Variants in SPMIP2 observed in about 807,000 individuals in gnomAD.
SPMIP2 encodes sperm microtubule inner protein 2, also known as protein SPMIP2.
At chr4:159,005,978 T>C in the SPMIP2 span, among the ~76,000 whole-genome samples, 5 of 152,242 alleles carry the variant, frequency 3.3e-5, no homozygotes, top group Non-Finnish European at 5.9e-5. Flanking sequence ...TTGGCCAGGC[T>C]GGTCTTGAAC....
chr4:158,972,985 A>G, the SPMIP2 span: 10 of 834,064 alleles, frequency 1.2e-5, no homozygotes, highest in South Asian at 1.5e-4. Flanking sequence ...TCAATGAGAA[A>G]TCAAGCACCC....
chr4:158,910,804 G>A, the SPMIP2 span, among the ~76,000 whole-genome samples: 7 of 152,134 alleles, frequency 4.6e-5, no homozygotes. Flanking sequence ...ACCCTGCTGC[G>A]TTTGGATTTA....
At chr4:159,037,825 C>CATAT in the SPMIP2 span, among the ~76,000 whole-genome samples, 20 of 102,252 alleles carry the variant, frequency 2.0e-4, no homozygotes, top group East Asian at 8.4e-4. Flanking sequence ...CACACACACA[C>CATAT]ACATATATAT....
chr4:158,995,136 T>C, the SPMIP2 span, among the ~76,000 whole-genome samples: 1 of 152,230 alleles, frequency 6.6e-6, no homozygotes, highest in Non-Finnish European at 1.5e-5. Context: ...CAGACTGATC[T>C]TGAATTCCTG....
chr4:158,965,595 C>T, the SPMIP2 span, among the ~76,000 whole-genome samples: 1 of 150,966 alleles, frequency 6.6e-6, no homozygotes, highest in Non-Finnish European at 1.5e-5. Flanking sequence ...ACAACTATGG[C>T]TTGTAAAACA....
the SPMIP2 span, chr4:158,973,434 T>C: frequency 1.9e-6 from 1 of 531,662 alleles, no homozygotes; most frequent in Non-Finnish European, 3.2e-6. Flanking sequence ...CTAGGTTCTA[T>C]TATAAGCCTT....
the SPMIP2 span, among the ~76,000 whole-genome samples, chr4:158,997,521 C>T: frequency 1.3e-5 from 2 of 152,094 alleles, no homozygotes; most frequent in Admixed American, 6.6e-5. Flanking sequence ...CCGGACCCAG[C>T]CAAGGATATG....
the SPMIP2 span, among the ~76,000 whole-genome samples, chr4:158,981,290 T>A: frequency 2.6e-5 from 4 of 152,154 alleles, no homozygotes; most frequent in Non-Finnish European, 4.4e-5. Flanking sequence ...CTTCAGGATA[T>A]TACCCAAACG....
At chr4:159,079,889 TA>T in the SPMIP2 span, among the ~76,000 whole-genome samples, 1 of 152,300 alleles carries the variant, frequency 6.6e-6, no homozygotes, top group Non-Finnish European at 1.5e-5. Context: ...GAAAAAAAAG[TA>T]AAAATAGTAA....
At chr4:158,915,572 C>A in the SPMIP2 span, among the ~76,000 whole-genome samples, 2 of 152,194 alleles carry the variant, frequency 1.3e-5, no homozygotes, top group African/African-American at 2.4e-5. Context: ...GAACCACCCC[C>A]AAGATGGACA....
At chr4:158,996,178 A>C in the SPMIP2 span, among the ~76,000 whole-genome samples, 2 of 152,230 alleles carry the variant, frequency 1.3e-5, no homozygotes, top group Non-Finnish European at 2.9e-5. Context: ...AAAAATATAA[A>C]ATTCTGTAGT....
the SPMIP2 span, among the ~76,000 whole-genome samples, chr4:159,024,548 C>T: frequency 6.6e-6 from 1 of 151,892 alleles, no homozygotes; most frequent in Non-Finnish European, 1.5e-5. Flanking sequence ...GGGAAACGGA[C>T]TCAAGGGAAA....
chr4:159,050,099 G>C, the SPMIP2 span, among the ~76,000 whole-genome samples: 1 of 152,178 alleles, frequency 6.6e-6, no homozygotes, highest in African/African-American at 2.4e-5. Context: ...GACCCTGCAG[G>C]GGAAGCCATG....
At chr4:158,961,021 G>A in the SPMIP2 span, among the ~76,000 whole-genome samples, 20 of 152,008 alleles carry the variant, frequency 1.3e-4, no homozygotes, top group Admixed American at 6.6e-4. Context: ...GAATAAAAGT[G>A]TCAAATTTAT....
the SPMIP2 span, among the ~76,000 whole-genome samples, chr4:158,995,632 G>T: frequency 6.6e-6 from 1 of 152,068 alleles, no homozygotes; most frequent in Non-Finnish European, 1.5e-5. Flanking sequence ...GCCGAGGCAG[G>T]TGGATCACAA....
the SPMIP2 span, among the ~76,000 whole-genome samples, chr4:159,034,360 T>C: frequency 1.1e-4 from 17 of 152,364 alleles, no homozygotes; most frequent in Non-Finnish European, 2.2e-4. Context: ...ATGTCAAGTT[T>C]ATAATGTTAT....
chr4:158,895,414 A>G, the SPMIP2 span, among the ~76,000 whole-genome samples: 16 of 152,342 alleles, frequency 1.1e-4, no homozygotes, highest in Middle Eastern at 3.4e-3. Flanking sequence ...TTATATCAAG[A>G]AGTTCTTAAT....
At chr4:158,987,273 C>A in the SPMIP2 span, among the ~76,000 whole-genome samples, 1 of 151,934 alleles carries the variant, frequency 6.6e-6, no homozygotes, top group Non-Finnish European at 1.5e-5. Flanking sequence ...CCAGCCATCC[C>A]ATTACTGGGT....
the SPMIP2 span, among the ~76,000 whole-genome samples, chr4:158,913,370 G>A: frequency 6.6e-6 from 1 of 152,008 alleles, no homozygotes; most frequent in Non-Finnish European, 1.5e-5. Flanking sequence ...TTACAGGCAT[G>A]CACCACCACC....
Sources: allele counts gnomAD v4.1 joint callset (sites outside exome capture counted in the v4.1 genomes callset), GRCh38; gene constraint gnomAD v4.1.1; transcripts MANE v1.5; gene names NCBI Gene and HGNC (gene_info 2026-07-23, HGNC 2026-07-21).